The following RNF180 variants were observed in gnomAD, a reference collection of about 807,000 sequenced individuals.
The protein encoded by RNF180 is ring finger protein 180.
Under a neutral mutation model 59.2 loss-of-function variants are expected in RNF180, and 38 were observed. That is an observed-to-expected ratio of 0.64 (90% CI 0.50 to 0.84). The LOEUF (loss-of-function observed/expected upper bound fraction) is 0.84, where lower values mean the gene tolerates loss of function less well. Ranked by LOEUF, RNF180 falls within the 40% of genes least tolerant of loss-of-function variation. The pLI is 0.00. For missense variants in RNF180, 705 were observed against 700.9 expected (o/e 1.01, Z -0.07); for synonymous variants, 262 against 240.3 (o/e 1.09, Z -0.84).
In RNF180 at chr5:64,372,015, G is replaced by C. The variant is rs1356972693; in HGVS notation, c.*2201G>C. ...CAGTAAAAACTCACTGTCCAATAAA[G>C]AGCCAAAGAAAGGAAAAGAAGAAAA... On this transcript the variant is annotated 3_prime_UTR_variant, in exon 8 of 8. Coordinates refer to ENST00000389100, the MANE Select transcript of RNF180 (RefSeq NM_001113561.2). 2 of 151,490 alleles carry C rather than the reference G, an allele frequency of 1.3e-5. No individual in the cohort carries two copies. Among genetic ancestry groups the C allele is most frequent in the Non-Finnish European group, 3.0e-5 (2 of 67,720 alleles). 9.4% of individuals were successfully genotyped at this position (151,490 alleles called of 1,614,324 possible). A position where few individuals can be genotyped will look rare whatever the true frequency, so the allele number is the denominator to read the frequency against.
chr5:64,278,438 T>C (rs1382140518), intron 5 of RNF180, among the ~76,000 whole-genome samples: 2 of 152,170 alleles, frequency 1.3e-5, no homozygotes, highest in Non-Finnish European at 2.9e-5. Flanking sequence ...GAGCCTAAGT[T>C]GTACAAATTG....
At chr5:64,310,349 G>A (rs1165567608) in intron 5 of RNF180, among the ~76,000 whole-genome samples, 3 of 151,658 alleles carry the variant, frequency 2.0e-5, no homozygotes, top group African/African-American at 4.8e-5. Flanking sequence ...CTAGGCTACA[G>A]GGGCACACAT....
chr5:64,223,184 A>G (rs906733950), intron 5 of RNF180, among the ~76,000 whole-genome samples: 1 of 152,094 alleles, frequency 6.6e-6, no homozygotes, highest in Admixed American at 6.6e-5. Context: ...GTCTACCCTC[A>G]TTTCTTGGCT....
intron 7 of RNF180, among the ~76,000 whole-genome samples, chr5:64,357,597 A>G (rs1211538139): frequency 6.6e-6 from 1 of 151,798 alleles, no homozygotes; most frequent in Non-Finnish European, 1.5e-5. Flanking sequence ...TTTATTCTCT[A>G]AAGTCTGTCC....
chr5:64,352,885 C>T (rs1216054370), intron 7 of RNF180, among the ~76,000 whole-genome samples: 3 of 151,820 alleles, frequency 2.0e-5, no homozygotes, highest in African/African-American at 7.2e-5. Flanking sequence ...ACATATGTAA[C>T]CCATGGCAAA....
chr5:64,215,399 T>G (rs1343253517), intron 4 of RNF180, among the ~76,000 whole-genome samples: 1 of 152,234 alleles, frequency 6.6e-6, no homozygotes, highest in Non-Finnish European at 1.5e-5. Context: ...AGTGAACTCA[T>G]TATGGCTTAT....
chr5:64,166,800 T>C lies in RNF180; in HGVS notation c.-1+847T>C, dbSNP rs73100355. On this transcript the variant is annotated intron_variant, in intron 1 of 7. Coordinates refer to ENST00000389100, the MANE Select transcript of RNF180 (RefSeq NM_001113561.2). The stretch of plus-strand genomic sequence containing the variant: ...ATCAAAACTAAGCAGTCAATCCTTG[T>C]GGAATCTGTGATTAGAACTTGTCTG... Among the ~76,000 whole-genome samples the C allele has an allele frequency of 8.1e-3, 1,236 of 152,288 alleles. 17 individuals carry two copies. The highest frequency in any genetic ancestry group is 0.028 in the African/African-American group (1,181 of 41,544).
intron 7 of RNF180, among the ~76,000 whole-genome samples, chr5:64,357,711 G>A (rs6449721): frequency 0.29 from 43,354 of 151,518 alleles, 6,414 homozygotes; most frequent in African/African-American, 0.35. Context: ...ACTGTTCAGA[G>A]ATAGTTTTTC....
At chr5:64,279,007 A>C (rs1215374848) in intron 5 of RNF180, among the ~76,000 whole-genome samples, 2 of 152,162 alleles carry the variant, frequency 1.3e-5, no homozygotes, top group Non-Finnish European at 2.9e-5. Context: ...TTAGATTAAC[A>C]AGTAGTGGTT....
intron 5 of RNF180, chr5:64,217,872 G>C (rs1486169599): frequency 6.6e-6 from 1 of 152,130 alleles, no homozygotes; most frequent in Non-Finnish European, 1.5e-5. Flanking sequence ...TCAGAAGATT[G>C]CTTGAGCCCA....
chr5:64,261,216 G>C (rs923518123), intron 5 of RNF180, among the ~76,000 whole-genome samples: 1 of 152,098 alleles, frequency 6.6e-6, no homozygotes, highest in Admixed American at 6.6e-5. Flanking sequence ...CTCTTCATTT[G>C]TCAGTTTTAT....
At chr5:64,273,883 G>A (rs1741569419) in intron 5 of RNF180, among the ~76,000 whole-genome samples, 1 of 151,970 alleles carries the variant, frequency 6.6e-6, no homozygotes, top group Admixed American at 6.6e-5. Context: ...ATATCAGAGA[G>A]CAGCTAAGTG....
intron 5 of RNF180, among the ~76,000 whole-genome samples, chr5:64,286,432 TA>T: frequency 6.6e-6 from 1 of 152,196 alleles, no homozygotes; most frequent in Non-Finnish European, 1.5e-5. Flanking sequence ...CCCAAACCCT[TA>T]ACTCCAATAC....
intron 5 of RNF180, among the ~76,000 whole-genome samples, chr5:64,242,106 CAGT>C (rs1742842918): frequency 6.6e-6 from 1 of 152,186 alleles, no homozygotes; most frequent in African/African-American, 2.4e-5. Context: ...TGACACAATC[CAGT>C]GCTATGCTGT....
intron 7 of RNF180, among the ~76,000 whole-genome samples, chr5:64,337,808 C>G (rs1013826876): frequency 1.3e-5 from 2 of 152,114 alleles, no homozygotes; most frequent in African/African-American, 4.8e-5. Flanking sequence ...TTTCCAGTTT[C>G]ATCCATGTCC....
At chr5:64,325,040 T>C in intron 5 of RNF180, 146 bp from the exon 6 acceptor site, 1 of 607,738 alleles carries the variant, frequency 1.6e-6, no homozygotes, top group Non-Finnish European at 2.9e-6. Context: ...TTCTTGACTT[T>C]GAAAGGTAGC....
chr5:64,175,629 AT>A (rs551931515), intron 1 of RNF180, among the ~76,000 whole-genome samples: 100 of 151,942 alleles, frequency 6.6e-4, no homozygotes, highest in African/African-American at 2.1e-3. Context: ...GAATTTTAGG[AT>A]TTTTTTTCAT....
intron 6 of RNF180, among the ~76,000 whole-genome samples, chr5:64,329,883 G>C (rs1744822222): frequency 6.6e-6 from 1 of 152,180 alleles, no homozygotes; most frequent in Non-Finnish European, 1.5e-5. Context: ...TTTGCCTGTG[G>C]CTCACCTCCT....
At chr5:64,226,845 C>T (rs532762006) in intron 5 of RNF180, among the ~76,000 whole-genome samples, 90 of 152,228 alleles carry the variant, frequency 5.9e-4, no homozygotes, top group Non-Finnish European at 9.9e-4. Flanking sequence ...TAAGCATCAT[C>T]GATGGATGGG....
Sources: allele counts gnomAD v4.1 joint callset (sites outside exome capture counted in the v4.1 genomes callset), GRCh38; gene constraint gnomAD v4.1.1; transcripts MANE v1.5; gene names NCBI Gene and HGNC (gene_info 2026-07-23, HGNC 2026-07-21).